The following TRDN variants were observed in gnomAD, a reference collection of about 807,000 sequenced individuals.
TRDN encodes triadin in skeletal muscle.
TRDN carries 161 observed loss-of-function variants against 149.7 expected under a neutral mutation model. The ratio of observed to expected loss-of-function variants is 1.08; its 90% CI spans 0.95 to 1.23. The LOEUF is 1.23. Among genes scored for constraint, TRDN ranks in the 50% most tolerant of loss-of-function variants. The probability of loss-of-function intolerance (pLI) is 0.00; values close to 1 mark genes in which losing one functional copy is unlikely to be tolerated. For synonymous variants in TRDN, 294 were observed against 250.5 expected, an observed-to-expected ratio of 1.17 and a Z score of -1.64; for missense variants, 896 against 823.5, an observed-to-expected ratio of 1.09 and a Z score of -1.08.
intron 1 of TRDN, among the ~76,000 whole-genome samples, chr6:123,577,363 C>A (rs1782910491): frequency 1.3e-5 from 2 of 152,048 alleles, no homozygotes; most frequent in African/African-American, 2.4e-5. Flanking sequence ...GAGTTGTCAT[C>A]ATTTAGTTCC....
At chr6:123,615,537 T>TACACACAC (rs59953395) in intron 1 of TRDN, among the ~76,000 whole-genome samples, 69 of 149,110 alleles carry the variant, frequency 4.6e-4, no homozygotes, top group African/African-American at 1.4e-3. Context: ...AACATGTATA[T>TACACACAC]ACACACACAC....
At chr6:123,453,330 T>C (rs897187275) in intron 10 of TRDN, among the ~76,000 whole-genome samples, 3 of 151,392 alleles carry the variant, frequency 2.0e-5, no homozygotes, top group African/African-American at 7.3e-5. Context: ...ACCCACAGAG[T>C]GGGAGAAAAT....
intron 24 of TRDN, among the ~76,000 whole-genome samples, chr6:123,301,682 T>C (rs904670344): frequency 1.3e-5 from 2 of 148,876 alleles, no homozygotes. Flanking sequence ...ACTTTCTCAA[T>C]TTATTGTACG....
At chr6:123,476,742 C>T (rs1777497457) in intron 9 of TRDN, among the ~76,000 whole-genome samples, 2 of 147,886 alleles carry the variant, frequency 1.4e-5, no homozygotes, top group Admixed American at 6.7e-5. Context: ...ACAGAGCCCT[C>T]AGAAATAACG....
chr6:123,450,852 T>C (rs1362355161), intron 10 of TRDN, among the ~76,000 whole-genome samples: 1 of 152,068 alleles, frequency 6.6e-6, no homozygotes, highest in Non-Finnish European at 1.5e-5. Flanking sequence ...TGGTAGGCCA[T>C]AAAATGAGCC....
chr6:123,311,046 C>G (rs1275447319), intron 24 of TRDN, among the ~76,000 whole-genome samples: 1 of 151,840 alleles, frequency 6.6e-6, no homozygotes, highest in Non-Finnish European at 1.5e-5. Flanking sequence ...CAATGAGAAC[C>G]TGTATTAGTC....
intron 1 of TRDN, among the ~76,000 whole-genome samples, chr6:123,595,339 C>T (rs1000340286): frequency 2.0e-5 from 3 of 152,092 alleles, no homozygotes; most frequent in Non-Finnish European, 4.4e-5. Flanking sequence ...ACACTTTCTG[C>T]AGTCATATCC....
At chr6:123,576,144 C>T (rs1782844016) in intron 1 of TRDN, among the ~76,000 whole-genome samples, 2 of 152,094 alleles carry the variant, frequency 1.3e-5, no homozygotes, top group Non-Finnish European at 2.9e-5. Context: ...TTCCCAATCA[C>T]ATGAAAAAGT....
chr6:123,560,048 G>A (rs1209103916), intron 2 of TRDN, among the ~76,000 whole-genome samples: 1 of 152,034 alleles, frequency 6.6e-6, no homozygotes, highest in Non-Finnish European at 1.5e-5. Context: ...ACAAGAGCCA[G>A]GACTGCACCC....
intron 39 of TRDN, among the ~76,000 whole-genome samples, chr6:123,222,212 T>G (rs1775174372): frequency 6.6e-6 from 1 of 151,704 alleles, no homozygotes; most frequent in African/African-American, 2.4e-5. Flanking sequence ...TGTGTGTTTG[T>G]GTGTACATGT....
intron 12 of TRDN, among the ~76,000 whole-genome samples, chr6:123,401,641 G>T (rs1772977638): frequency 1.3e-5 from 2 of 152,014 alleles, no homozygotes; most frequent in South Asian, 4.1e-4. Flanking sequence ...AAGGAGGCAG[G>T]ATATAGACAA....
chr6:123,268,375 A>T (rs1285276202), intron 31 of TRDN, among the ~76,000 whole-genome samples: 1 of 152,080 alleles, frequency 6.6e-6, no homozygotes, highest in Non-Finnish European at 1.5e-5. Context: ...AGTAATTGAC[A>T]TCCCTCTTAG....
At chr6:123,529,636 G>A (rs115582026) in intron 5 of TRDN, among the ~76,000 whole-genome samples, 2,456 of 152,110 alleles carry the variant, frequency 0.016, 74 homozygotes, top group African/African-American at 0.055. Flanking sequence ...ATTTACTACA[G>A]ATAATTTTGC....
At chr6:123,441,927 A>C (rs897473011) in intron 10 of TRDN, 2 of 152,206 alleles carry the variant, frequency 1.3e-5, no homozygotes, top group African/African-American at 4.8e-5. Context: ...GGTTCCAGTT[A>C]AGTAAATAAG....
chr6:123,410,845 T>G (rs1010476622), intron 12 of TRDN, among the ~76,000 whole-genome samples: 2 of 152,012 alleles, frequency 1.3e-5, no homozygotes, highest in African/African-American at 2.4e-5. Context: ...TGTTAATATA[T>G]TTCTAAATTT....
intron 2 of TRDN, among the ~76,000 whole-genome samples, chr6:123,565,964 A>G (rs1231036379): frequency 6.6e-6 from 1 of 152,174 alleles, no homozygotes; most frequent in East Asian, 1.9e-4. Context: ...TTCCACCCTG[A>G]CTACTTTCCA....
intron 33 of TRDN, among the ~76,000 whole-genome samples, chr6:123,261,733 A>G (rs1399979164): frequency 6.6e-6 from 1 of 151,916 alleles, no homozygotes; most frequent in Non-Finnish European, 1.5e-5. Context: ...ATAATGTTTC[A>G]TAAAAATATA....
In TRDN at chr6:123,367,632, C is replaced by T. The variant is rs1358129760; in HGVS notation, c.1274-1450G>A. Among the ~76,000 whole-genome samples the T allele has an allele frequency of 2.0e-5, 3 of 152,226 alleles. No individual in the cohort carries two copies. The East Asian group carries it at 5.8e-4, about 29-fold the overall frequency. On this transcript the variant is annotated intron_variant, in intron 19 of 40. Transcript: ENST00000334268. ...CAGACTCCTGGCTGTTTTATACCTT[C>T]CAGGTAAAGACTTTAGATCAATGGC...
At chr6:123,507,105 G>A (rs1313412733) in intron 7 of TRDN, among the ~76,000 whole-genome samples, 2 of 151,940 alleles carry the variant, frequency 1.3e-5, no homozygotes, top group South Asian at 2.1e-4. Context: ...GTGATATAGA[G>A]ACTGCATTAT....
Sources: allele counts gnomAD v4.1 joint callset (sites outside exome capture counted in the v4.1 genomes callset), GRCh38; gene constraint gnomAD v4.1.1; transcripts MANE v1.5; gene names NCBI Gene and HGNC (gene_info 2026-07-23, HGNC 2026-07-21).